The following DZIP3 variants were observed in gnomAD, a reference collection of about 807,000 sequenced individuals.
The protein encoded by DZIP3 is E3 ubiquitin-protein ligase DZIP3.
In DZIP3, 118 loss-of-function variants were observed where a neutral mutation model predicts 162.0. That is an observed-to-expected ratio of 0.73 (90% confidence interval 0.63 to 0.85). The LOEUF (loss-of-function observed/expected upper bound fraction) is 0.85, where lower values mean the gene tolerates loss of function less well. Among genes scored for constraint, DZIP3 ranks in the 40% least tolerant of loss-of-function variants. DZIP3 has a pLI of 0.00. For missense variants in DZIP3, 1,331 were observed against 1,407.0 expected (o/e 0.95, Z 0.86); for synonymous variants, 438 against 458.6 (o/e 0.96, Z 0.57).
rs934885384 is a variant in DZIP3 at position 108,644,335 on chromosome 3, A to T, written c.1313A>T (p.His438Leu). The T allele has an allele frequency of 6.2e-7, 1 of 1,614,100 alleles. No homozygotes were observed. Residue 438 changes from histidine (H) to leucine (L), a missense_variant, in exon 14 of 33, where the codon CAT becomes CTT. By Grantham distance (99) the His-to-Leu change is moderately conservative. Around this residue, in one of 2 missense-constraint regions of DZIP3, gnomAD observed 1,278 missense variants for 1,317.1 expected, o/e 0.97. Transcript: ENST00000361582. ...AATGTGCTGGAATCCTACTACAACC[A>T]TCTTTGGACCAATCATCCTTTGGGT... ...HKNVLESYYN[H>L]LWTNHPLGGS...
At chr3:108,669,869 T>A in intron 22 of DZIP3, 120 bp downstream of exon 22, 1 of 763,508 alleles carries the variant, frequency 1.3e-6, no homozygotes, top group Non-Finnish European at 2.2e-6. Context: ...GAGGCTGATA[T>A]TGAACAGTAC....
intron 27 of DZIP3, 149 bp downstream of exon 27, chr3:108,684,490 A>G: frequency 9.8e-7 from 1 of 1,018,820 alleles, no homozygotes; most frequent in Non-Finnish European, 1.4e-6. Context: ...CCTGTGAAGC[A>G]CTGTGCTCAG....
At chr3:108,634,766 AATCT>A (rs1177096785) in intron 9 of DZIP3, 101 bp from the exon 10 acceptor site, 2 of 538,864 alleles carry the variant, frequency 3.7e-6, no homozygotes, top group African/African-American at 2.0e-5. Context: ...TGCCATGTAA[AATCT>A]ATCTAATTAT....
intron 19 of DZIP3, among the ~76,000 whole-genome samples, chr3:108,657,776 A>T (rs1472534872): frequency 6.6e-6 from 1 of 152,204 alleles, no homozygotes; most frequent in Non-Finnish European, 1.5e-5. Context: ...ATAGGCTCAA[A>T]ATAAAGAGAT....
intron 18 of DZIP3, among the ~76,000 whole-genome samples, chr3:108,651,520 T>C (rs1942865940): frequency 6.6e-6 from 1 of 151,592 alleles, no homozygotes; most frequent in African/African-American, 2.4e-5. Context: ...GATGCATCAC[T>C]CCTAGGTTTG....
intron 5 of DZIP3, among the ~76,000 whole-genome samples, chr3:108,622,748 T>C (rs936721773): frequency 6.6e-6 from 1 of 152,034 alleles, no homozygotes; most frequent in Non-Finnish European, 1.5e-5. Context: ...GGTACCATCT[T>C]GGTAGTCTTT....
At chr3:108,652,826 G>A (rs1329667180) in intron 18 of DZIP3, among the ~76,000 whole-genome samples, 2 of 151,778 alleles carry the variant, frequency 1.3e-5, no homozygotes, top group African/African-American at 2.4e-5. Flanking sequence ...ACTGCCTATC[G>A]TATTCAGTAC....
At chr3:108,675,102 C>G (rs1160912461) in intron 24 of DZIP3, among the ~76,000 whole-genome samples, 1 of 151,852 alleles carries the variant, frequency 6.6e-6, no homozygotes. Flanking sequence ...CTGGGTGATA[C>G]TGGCGTGGGA....
intron 28 of DZIP3, among the ~76,000 whole-genome samples, chr3:108,686,907 T>A (rs1379933850): frequency 2.0e-5 from 3 of 152,154 alleles, no homozygotes; most frequent in Non-Finnish European, 4.4e-5. Flanking sequence ...TTAACCTATC[T>A]CCAAAGTGAA....
chr3:108,611,271 G>T lies in DZIP3; in HGVS notation c.200G>T (p.Gly67Val). 2 of 1,612,724 alleles carry T rather than the reference G, an allele frequency of 1.2e-6. No individual in the cohort carries two copies. The highest frequency in any genetic ancestry group is 1.7e-6 in the Non-Finnish European group (2 of 1,179,616). Reference protein sequence around the residue: ...LLNAINTLPKGVVPHIKKFLQ... With the variant: ...LLNAINTLPKVVVPHIKKFLQ... ...AATGCAATTAATACTCTACCAAAAGGTGTGGTTCCTCACATTAAGAAGTTC... is the reference window on the plus strand; with the variant it reads ...AATGCAATTAATACTCTACCAAAAGTTGTGGTTCCTCACATTAAGAAGTTC... Residue 67 changes from glycine to valine, a missense_variant, in exon 4 of 33, where the codon GGT (glycine) becomes GTT (valine). Transcript: ENST00000361582.
intron 5 of DZIP3, among the ~76,000 whole-genome samples, chr3:108,618,548 G>T (rs898463565): frequency 6.6e-6 from 1 of 152,104 alleles, no homozygotes; most frequent in African/African-American, 2.4e-5. Context: ...CTGAACTACT[G>T]CCTCTTCAGG....
intron 19 of DZIP3, among the ~76,000 whole-genome samples, chr3:108,660,518 C>G (rs542572808): frequency 6.6e-5 from 10 of 152,112 alleles, no homozygotes; most frequent in Non-Finnish European, 1.0e-4. Flanking sequence ...AATGTTAGAC[C>G]TAAAACCATA....
intron 1 of DZIP3, among the ~76,000 whole-genome samples, chr3:108,604,848 A>G (rs888163437): frequency 3.3e-5 from 5 of 152,226 alleles, no homozygotes; most frequent in African/African-American, 1.2e-4. Context: ...GTGTCTTTTG[A>G]TCTATTAATT....
At chr3:108,652,065 G>C (rs1942892709) in intron 18 of DZIP3, among the ~76,000 whole-genome samples, 1 of 151,604 alleles carries the variant, frequency 6.6e-6, no homozygotes, top group African/African-American at 2.4e-5. Context: ...TTTGTTTTTA[G>C]GCTGTGTCTA....
At chr3:108,626,333 T>C (rs1053817550) in intron 7 of DZIP3, among the ~76,000 whole-genome samples, 3 of 152,200 alleles carry the variant, frequency 2.0e-5, no homozygotes, top group African/African-American at 7.2e-5. Context: ...GTTCACTTCA[T>C]GAGGATTTTG....
chr3:108,674,470 T>G (rs1038727322), intron 24 of DZIP3, among the ~76,000 whole-genome samples: 1 of 151,926 alleles, frequency 6.6e-6, no homozygotes, highest in African/African-American at 2.4e-5. Context: ...GTCTAATGAG[T>G]ACTATGTACA....
chr3:108,667,007 G>C (rs567386623), intron 21 of DZIP3, among the ~76,000 whole-genome samples: 1 of 152,034 alleles, frequency 6.6e-6, no homozygotes, highest in East Asian at 1.9e-4. Flanking sequence ...CAAGCAGGAG[G>C]AAATAAGTTA....
intron 24 of DZIP3, 126 bp downstream of exon 24, chr3:108,674,307 G>GT (rs1057121418): frequency 2.9e-5 from 19 of 660,832 alleles, no homozygotes; most frequent in Non-Finnish European, 4.2e-5. Context: ...AGCTCTTGTG[G>GT]TTTTTTTGGG....
intron 14 of DZIP3, among the ~76,000 whole-genome samples, chr3:108,645,281 A>T (rs1327442039): frequency 2.0e-5 from 3 of 152,208 alleles, no homozygotes; most frequent in Non-Finnish European, 4.4e-5. Context: ...ATTCTCCAAA[A>T]TTAATAAAGT....
Sources: allele counts gnomAD v4.1 joint callset (sites outside exome capture counted in the v4.1 genomes callset), GRCh38; gene constraint gnomAD v4.1.1; regional missense constraint gnomAD v4.1.1; transcripts MANE v1.5; gene names NCBI Gene and HGNC (gene_info 2026-07-23, HGNC 2026-07-21).